Variants in OSBPL6 observed in about 807,000 individuals in gnomAD.
The protein encoded by OSBPL6 is oxysterol-binding protein-related protein 6.
A neutral mutation model predicts 125.8 loss-of-function variants in OSBPL6; 49 were observed. That is an observed-to-expected ratio of 0.39 (90% confidence interval 0.31 to 0.49). The LOEUF (loss-of-function observed/expected upper bound fraction) is 0.49, where lower values mean the gene tolerates loss of function less well. Ranked by LOEUF, OSBPL6 falls within the 20% of genes least tolerant of loss-of-function variation. The probability of loss-of-function intolerance (pLI) is 0.88; values close to 1 mark genes in which losing one functional copy is unlikely to be tolerated. For synonymous variants in OSBPL6, 394 were observed against 391.8 expected (o/e 1.01, Z -0.07); for missense variants, 986 against 1,135.4 (o/e 0.87, Z 1.89).
Position 178,328,241 on chromosome 2 carries a change from C to A in OSBPL6, c.196-15C>A. 1 of 1,611,820 alleles carries A rather than the reference C, an allele frequency of 6.2e-7. No individual in the cohort carries two copies. The highest frequency in any genetic ancestry group is 8.5e-7 in the Non-Finnish European group (1 of 1,179,136). On this transcript the variant is annotated splice_polypyrimidine_tract_variant and intron_variant, in intron 4 of 24. Transcript: ENST00000190611. Reference sequence around the variant, plus strand: ...ACTGAGTAACATGTGATTTGTTTTTCTTCTTTTCTCTCAGGAAGCTGACAG... The same window carrying A: ...ACTGAGTAACATGTGATTTGTTTTTATTCTTTTCTCTCAGGAAGCTGACAG...
At chr2:178,335,508 G>A (rs568101984) in intron 8 of OSBPL6, among the ~76,000 whole-genome samples, 9 of 152,262 alleles carry the variant, frequency 5.9e-5, no homozygotes, top group Admixed American at 4.6e-4. Flanking sequence ...ATGTTAATTA[G>A]TTTGTGGCCC....
chr2:178,200,074 T>A (rs1346565432), intron 1 of OSBPL6, among the ~76,000 whole-genome samples: 2 of 152,174 alleles, frequency 1.3e-5, no homozygotes, highest in African/African-American at 4.8e-5. Flanking sequence ...GGGATTACAT[T>A]TTTCAAAGCC....
At position 178,308,618 on chromosome 2, in the gene OSBPL6, G is replaced by A. The variant is rs147638266; in HGVS notation, c.102+2332G>A. Among the ~76,000 whole-genome samples, 422 of 152,202 alleles carry A rather than the reference G, an allele frequency of 2.8e-3. 2 individuals are homozygous for A. Among genetic ancestry groups the A allele is most frequent in the African/African-American group, 9.4e-3 (391 of 41,526 alleles). On this transcript the variant is annotated intron_variant, in intron 3 of 24. Transcript: ENST00000190611. The stretch of plus-strand genomic sequence containing the variant: ...AGCATTTCTACTTAAATGCACTGCC[G>A]CTTGAGTGGTACCACTGTGTCTTAA...
intron 5 of OSBPL6, among the ~76,000 whole-genome samples, 197 bp from the exon 6 acceptor site, chr2:178,331,355 G>A (rs1052450970): frequency 6.6e-6 from 1 of 152,170 alleles, no homozygotes; most frequent in African/African-American, 2.4e-5. Context: ...ATCTTGGTAG[G>A]TTAACAGTAT....
chr2:178,340,072 A>G (rs542736110), intron 11 of OSBPL6, among the ~76,000 whole-genome samples: 5 of 152,278 alleles, frequency 3.3e-5, no homozygotes, highest in African/African-American at 1.2e-4. Flanking sequence ...AAAAATCTAG[A>G]TTAAAAATCT....
chr2:178,324,137 G>T, intron 3 of OSBPL6, 40 bp from the exon 4 acceptor site: 1 of 1,295,446 alleles, frequency 7.7e-7, no homozygotes. Context: ...CATGAAAAGT[G>T]AGTTGTCTAA....
intron 19 of OSBPL6, among the ~76,000 whole-genome samples, chr2:178,385,739 G>A (rs1575039552): frequency 6.6e-6 from 1 of 152,320 alleles, no homozygotes; most frequent in Non-Finnish European, 1.5e-5. Context: ...AAACAATGCT[G>A]TATGGAATAG....
In OSBPL6 at chr2:178,373,974, G is replaced by C; in HGVS notation, c.1480G>C (p.Glu494Gln). 1 of 1,614,118 alleles carries C rather than the reference G, an allele frequency of 6.2e-7. No homozygotes were observed. Among genetic ancestry groups the C allele is most frequent in the South Asian group, 1.1e-5 (1 of 91,084 alleles). Residue 494 changes from glutamate to glutamine, a missense_variant, in exon 15 of 25, where the codon GAG (glutamate) becomes CAG (glutamine). This residue lies in a region of OSBPL6 where 843 missense variants were observed against 997.3 expected (regional missense o/e 0.85). Coordinates refer to ENST00000190611, the MANE Select transcript of OSBPL6 (RefSeq NM_032523.4). The part of the protein sequence containing the change: ...SRLSMSESVS[E>Q]FFDAQEVLLS... ...CCTCTCCATGTCAGAGTCTGTTTCT[G>C]AGTTCTTTGATGCCCAAGAGGTGCT...
chr2:178,221,003 G>C (rs2090316140), intron 1 of OSBPL6, among the ~76,000 whole-genome samples: 1 of 152,230 alleles, frequency 6.6e-6, no homozygotes, highest in Non-Finnish European at 1.5e-5. Flanking sequence ...GATCTGCCCA[G>C]AGTGCCGTCT....
At chr2:178,355,838 A>G (rs184409599) in intron 12 of OSBPL6, among the ~76,000 whole-genome samples, 1 of 152,400 alleles carries the variant, frequency 6.6e-6, no homozygotes, top group East Asian at 1.9e-4. Flanking sequence ...AAAATCCTCA[A>G]TAAAATACTG....
intron 1 of OSBPL6, among the ~76,000 whole-genome samples, chr2:178,218,439 T>C (rs1226048576): frequency 6.6e-6 from 1 of 150,854 alleles, no homozygotes; most frequent in East Asian, 1.9e-4. Context: ...GAGAATGCTA[T>C]AGCAAGGTAA....
At chr2:178,250,008 C>G (rs1250323120) in intron 1 of OSBPL6, among the ~76,000 whole-genome samples, 1 of 152,004 alleles carries the variant, frequency 6.6e-6, no homozygotes, top group African/African-American at 2.4e-5. Flanking sequence ...CTAACAATAC[C>G]TGCTAATATT....
chr2:178,329,421 T>A (rs1277562368), intron 5 of OSBPL6, among the ~76,000 whole-genome samples: 2 of 151,050 alleles, frequency 1.3e-5, no homozygotes, highest in East Asian at 3.9e-4. Context: ...TTACTTATTT[T>A]TTTTTTTTTT....
In OSBPL6 at chr2:178,391,087, T is replaced by G; in HGVS notation, c.2316T>G (p.Asn772Lys). Residue 772 changes from asparagine (N) to lysine (K), a missense_variant, in exon 22 of 25, where the codon AAT becomes AAG. Physicochemically the swap from Asn to Lys is moderately conservative, Grantham distance 94. Coordinates refer to ENST00000190611, the MANE Select transcript of OSBPL6 (RefSeq NM_032523.4). ...GGTTTTTCCAGGTGAATTATTGGAA[T>G]TCTAACATGAATGAAGTCCAGGGGG... ...KLTFVKVNYWNSNMNEVQGVV... is the reference protein window; with the variant it reads ...KLTFVKVNYWKSNMNEVQGVV... The G allele has an allele frequency of 6.2e-7, 1 of 1,613,484 alleles. No individual in the cohort carries two copies. The highest frequency in any genetic ancestry group is 8.5e-7 in the Non-Finnish European group (1 of 1,179,808).
Position 178,373,932 on chromosome 2 carries a change from G to A in OSBPL6, c.1438G>A (p.Val480Ile), listed in dbSNP as rs1693637898. 3 of 1,614,090 alleles carry A rather than the reference G, an allele frequency of 1.9e-6. No homozygotes were observed. The South Asian group carries it at 3.3e-5, about 18-fold the overall frequency. The stretch of plus-strand genomic sequence containing the variant: ...TGTCAGTCTCCCCTTATCACAGCAA[G>A]TAGCCAATGAGAGCCGCCTCTCCAT... ...IHVSLPLSQQ[V>I]ANESRLSMSE... The change falls in exon 15 of 25, where the codon GTA (valine) becomes ATA (isoleucine). Residue 480 changes from valine to isoleucine, a missense_variant. By Grantham distance (29) the Val-to-Ile change is conservative (BLOSUM62 3). Transcript: ENST00000190611.
intron 3 of OSBPL6, among the ~76,000 whole-genome samples, chr2:178,310,989 G>A (rs981845677): frequency 3.3e-4 from 51 of 152,254 alleles, no homozygotes; most frequent in African/African-American, 1.2e-3. Context: ...CAACATACAG[G>A]TCATTCTTTA....
chr2:178,333,317 G>A (rs983057085), intron 8 of OSBPL6, among the ~76,000 whole-genome samples: 9 of 152,154 alleles, frequency 5.9e-5, no homozygotes, highest in African/African-American at 2.2e-4. Flanking sequence ...CCTGGGAGGC[G>A]GAGGTTGTAG....
chr2:178,354,488 AG>A (rs1349995788), intron 12 of OSBPL6, among the ~76,000 whole-genome samples: 1 of 152,240 alleles, frequency 6.6e-6, no homozygotes, highest in Non-Finnish European at 1.5e-5. Flanking sequence ...AAAGAGACAA[AG>A]AAGGCCATTA....
At position 178,206,757 on chromosome 2, in the gene OSBPL6, G is replaced by A. The variant is rs573459328; in HGVS notation, c.-351+12083G>A. Among the ~76,000 whole-genome samples, 4 of 152,254 alleles carry A rather than the reference G, an allele frequency of 2.6e-5. No homozygotes were observed. In the East Asian group the frequency reaches 7.7e-4, roughly 29 times the overall value. On this transcript the variant is annotated intron_variant, in intron 1 of 24. Transcript: ENST00000190611. ...AGCCTGCCAAGTAGCTGGGACTACA[G>A]GCACCTGCCATCATGCCCAGCTAAT...
Sources: gnomAD v4.1 joint callset for allele counts (sites outside exome capture counted in the v4.1 genomes callset) on GRCh38, gnomAD v4.1.1 for gene constraint, gnomAD v4.1.1 regional missense constraint, MANE v1.5 for transcripts, NCBI Gene and HGNC (gene_info 2026-07-23, HGNC 2026-07-21) for gene names.